Variants in LAMC3 observed in about 807,000 individuals in gnomAD.
LAMC3 encodes the protein laminin subunit gamma 3.
A neutral mutation model predicts 173.8 loss-of-function variants in LAMC3; 128 were observed. The ratio of observed to expected loss-of-function variants is 0.74; its 90% confidence interval spans 0.64 to 0.85. LAMC3 has a LOEUF of 0.85. LAMC3 is among the 40% of genes least tolerant of loss of function. The pLI is 0.00. For missense variants in LAMC3, 2,022 were observed against 2,156.0 expected (o/e 0.94, Z 1.23); for synonymous variants, 897 against 909.1 (o/e 0.99, Z 0.24).
At chr9:131,046,909 C>T (rs1041773068) in intron 8 of LAMC3, among the ~76,000 whole-genome samples, 4 of 152,120 alleles carry the variant, frequency 2.6e-5, no homozygotes, top group African/African-American at 7.2e-5. Flanking sequence ...GCCGCGCGCC[C>T]TCTGCTGGAA....
At chr9:131,074,468 G>A (rs530798447) in intron 20 of LAMC3, among the ~76,000 whole-genome samples, 2 of 151,592 alleles carry the variant, frequency 1.3e-5, no homozygotes, top group East Asian at 4.0e-4. Flanking sequence ...GGCTGAGACA[G>A]GTGGATCACT....
chr9:131,076,035 G>C, intron 21 of LAMC3, 70 bp downstream of exon 21: 1 of 1,460,926 alleles, frequency 6.8e-7, no homozygotes, highest in East Asian at 2.4e-5. Context: ...CCTAGCCAAA[G>C]GCTGCTGGTT....
At position 131,053,005 on chromosome 9, in the gene LAMC3, G is replaced by T. The variant is rs772627703; in HGVS notation, c.1939+40G>T. 5 of 1,459,842 alleles carry T rather than the reference G, an allele frequency of 3.4e-6. No homozygotes were observed. The South Asian group carries it at 3.4e-5, about 10-fold the overall frequency. The allele number at this position is 1,459,842 out of a possible 1,614,324, so 90.4% of individuals were successfully genotyped here. Reference sequence around the variant, plus strand: ...CCACATGCCCAAGACCCGAGTGCTTGCCAGGTCTCAGAACTGGGCTGGGCT... The same window carrying T: ...CCACATGCCCAAGACCCGAGTGCTTTCCAGGTCTCAGAACTGGGCTGGGCT... On this transcript the variant is annotated intron_variant, in intron 11 of 27. Transcript: ENST00000361069.
chr9:131,050,110 A>G (rs1834253375), intron 9 of LAMC3, among the ~76,000 whole-genome samples: 1 of 152,182 alleles, frequency 6.6e-6, no homozygotes, highest in Non-Finnish European at 1.5e-5. Flanking sequence ...GCCCATGAGC[A>G]AAAAACTCAC....
intron 24 of LAMC3, among the ~76,000 whole-genome samples, chr9:131,082,812 C>T (rs541707715): frequency 2.6e-5 from 4 of 152,226 alleles, no homozygotes; most frequent in African/African-American, 9.6e-5. Context: ...CACTCTGAAC[C>T]CCAGATGTCT....
chr9:131,071,340 G>A lies in LAMC3; in HGVS notation c.3070-144G>A, dbSNP rs1830032351. On this transcript the variant is annotated intron_variant, in intron 17 of 27. Transcript: ENST00000361069. ...GGGCAGGATTGGCTCTCAGAGGTGT[G>A]GCATACCCTTAGCGCTGAGGCCCAG... The A allele has an allele frequency of 1.7e-5, 15 of 870,668 alleles. No homozygotes were observed. In the South Asian group the frequency reaches 2.5e-4, roughly 15 times the overall value. 53.9% of individuals were successfully genotyped at this position (870,668 alleles called of 1,614,324 possible).
intron 1 of LAMC3, among the ~76,000 whole-genome samples, chr9:131,017,854 C>T (rs1412520040): frequency 6.6e-6 from 1 of 151,680 alleles, no homozygotes; most frequent in East Asian, 2.0e-4. Flanking sequence ...GGCAAAACCC[C>T]GTCTCTACTA....
intron 1 of LAMC3, among the ~76,000 whole-genome samples, chr9:131,017,390 G>A (rs753735424): frequency 6.6e-6 from 1 of 152,170 alleles, no homozygotes; most frequent in Non-Finnish European, 1.5e-5. Flanking sequence ...GAGAGAAGAT[G>A]CAGCAATATC....
intron 13 of LAMC3, among the ~76,000 whole-genome samples, chr9:131,062,823 C>T (rs1352088900): frequency 6.6e-6 from 1 of 151,100 alleles, no homozygotes; most frequent in Admixed American, 6.6e-5. Flanking sequence ...GAGCCAAGAG[C>T]GTGCCACTGC....
rs10526087 is a variant in LAMC3 at position 131,041,366 on chromosome 9, C to CAAAAAAAAAA, written c.1284-262_1284-261insAAAAAAAAAA. Among the ~76,000 whole-genome samples the CAAAAAAAAAA allele has an allele frequency of 1.4e-3, 162 of 114,550 alleles. 22 individuals are homozygous for CAAAAAAAAAA. The highest frequency in any genetic ancestry group is 2.2e-3 in the South Asian group (7 of 3,172). 75.1% of individuals were successfully genotyped at this position (114,550 alleles called of 152,430 possible). On this transcript the variant is annotated intron_variant, in intron 6 of 27. Coordinates refer to ENST00000361069, the MANE Select transcript of LAMC3 (RefSeq NM_006059.4). ...TGGGTGGCAAAGTGTGACTCTGTCCCAAAAAAAAAGATTCATGGATGATGA... is the reference window on the plus strand; with the variant it reads ...TGGGTGGCAAAGTGTGACTCTGTCCCAAAAAAAAAAAAAAAAAAAGATTCATGGATGATGA...
intron 2 of LAMC3, among the ~76,000 whole-genome samples, chr9:131,031,309 C>T (rs1035394965): frequency 2.0e-5 from 3 of 152,226 alleles, no homozygotes; most frequent in African/African-American, 7.2e-5. Flanking sequence ...GGGTTTTCCC[C>T]GACTTCCCCT....
chr9:131,047,049 G>C (rs993113042), intron 8 of LAMC3, among the ~76,000 whole-genome samples: 3 of 152,024 alleles, frequency 2.0e-5, no homozygotes, highest in South Asian at 2.1e-4. Context: ...GTCATGATCT[G>C]TTCTCACATT....
chr9:131,073,096 C>T (rs549554788), intron 19 of LAMC3, 149 bp from the exon 20 acceptor site: 2 of 735,118 alleles, frequency 2.7e-6, no homozygotes, highest in Admixed American at 2.0e-5. Context: ...TCCTAGGACT[C>T]CGCTCACTGA....
At position 131,045,674 on chromosome 9, in the gene LAMC3, C is replaced by G; in HGVS notation, c.1519+14C>G. ...ATTTCCACCAGGGTAAGAGATGCTC[C>G]CTGCAAACGCCTCCCAAGGGTCTGC... is the stretch of plus-strand genomic sequence containing the variant. On this transcript the variant is annotated intron_variant, in intron 8 of 27. Coordinates refer to ENST00000361069, the MANE Select transcript of LAMC3 (RefSeq NM_006059.4). 9 of 1,613,932 alleles carry G rather than the reference C, an allele frequency of 5.6e-6. No individual in the cohort carries two copies. The highest frequency in any genetic ancestry group is 7.6e-6 in the Non-Finnish European group (9 of 1,180,004).
At chr9:131,052,382 C>T in intron 9 of LAMC3, 109 bp from the exon 10 acceptor site, 1 of 1,054,106 alleles carries the variant, frequency 9.5e-7, no homozygotes, top group Non-Finnish European at 1.5e-6. Flanking sequence ...TTTCTACCCA[C>T]TGCACTTTTA....
intron 12 of LAMC3, among the ~76,000 whole-genome samples, chr9:131,059,435 T>C (rs768633016): frequency 5.2e-4 from 72 of 137,446 alleles, no homozygotes; most frequent in Non-Finnish European, 5.1e-4. Context: ...GAGGTTGCAG[T>C]GAGCCGAGAT....
At chr9:131,014,061 G>T (rs1180683028) in intron 1 of LAMC3, among the ~76,000 whole-genome samples, 4 of 152,238 alleles carry the variant, frequency 2.6e-5, no homozygotes, top group Non-Finnish European at 5.9e-5. Context: ...CCACAGAACT[G>T]CCCTCCAGGC....
chr9:131,074,699 G>GAA (rs67374198), intron 20 of LAMC3, among the ~76,000 whole-genome samples: 3 of 129,652 alleles, frequency 2.3e-5, no homozygotes, highest in Non-Finnish European at 3.4e-5. Flanking sequence ...CCATCTCAAA[G>GAA]AAAAAAAAAA....
chr9:131,019,643 A>G (rs915748579), intron 1 of LAMC3, among the ~76,000 whole-genome samples: 1 of 152,142 alleles, frequency 6.6e-6, no homozygotes, highest in Non-Finnish European at 1.5e-5. Context: ...CAAACACTTC[A>G]TTTACTAGTG....
Sources: gnomAD v4.1 joint callset for allele counts (sites outside exome capture counted in the v4.1 genomes callset) on GRCh38, gnomAD v4.1.1 for gene constraint, MANE v1.5 for transcripts, NCBI Gene and HGNC (gene_info 2026-07-23, HGNC 2026-07-21) for gene names.